The following SRGAP2C variants were observed in gnomAD, a reference collection of about 807,000 sequenced individuals.
SRGAP2C encodes the protein SLIT-ROBO Rho GTPase-activating protein 2C.
A neutral mutation model predicts 25.1 loss-of-function variants in SRGAP2C; 15 were observed. The ratio of observed to expected loss-of-function variants is 0.60; its 90% confidence interval spans 0.40 to 0.92. The LOEUF (loss-of-function observed/expected upper bound fraction) is 0.92. Among genes scored for constraint, SRGAP2C ranks in the 40% least tolerant of loss-of-function variants. The pLI, the probability that SRGAP2C is intolerant of heterozygous loss-of-function variation, is 0.00. For synonymous variants in SRGAP2C, 44 were observed against 96.6 expected (o/e 0.46, Z 3.19); for missense variants, 144 against 264.4 (o/e 0.54, Z 3.16).
intron 4 of SRGAP2C, among the ~76,000 whole-genome samples, chr1:121,346,728 T>C (rs1553343983): frequency 6.6e-6 from 1 of 152,168 alleles, no homozygotes. Flanking sequence ...AATAGCCCTT[T>C]GAATATTTTT....
At chr1:121,293,643 T>C (rs1173712171) in intron 3 of SRGAP2C, among the ~76,000 whole-genome samples, 1 of 152,244 alleles carries the variant, frequency 6.6e-6, no homozygotes, top group East Asian at 1.9e-4. Context: ...ACAATAGTAC[T>C]GTATTTTCAG....
intron 4 of SRGAP2C, among the ~76,000 whole-genome samples, chr1:121,351,500 C>G (rs1286014021): frequency 2.5e-4 from 36 of 142,052 alleles, no homozygotes; most frequent in Admixed American, 1.4e-4. Context: ...GTCCCAGCTA[C>G]TGGGGAAGCT....
chr1:121,366,745 T>C (rs1204411847), intron 5 of SRGAP2C, among the ~76,000 whole-genome samples: 2 of 151,498 alleles, frequency 1.3e-5, no homozygotes, highest in African/African-American at 4.9e-5. Flanking sequence ...ATGTAGTCAT[T>C]GTATAAATTC....
intron 2 of SRGAP2C, among the ~76,000 whole-genome samples, chr1:121,258,465 CTTTTT>C (rs1205329141): frequency 3.2e-5 from 4 of 125,740 alleles, no homozygotes; most frequent in African/African-American, 1.2e-4. Flanking sequence ...ATCTATCACT[CTTTTT>C]TTTTTTTTTT....
chr1:121,268,029 T>A (rs1338532485), intron 2 of SRGAP2C, among the ~76,000 whole-genome samples: 4 of 146,730 alleles, frequency 2.7e-5, no homozygotes, highest in Non-Finnish European at 4.6e-5. Flanking sequence ...GAGTGCTTAC[T>A]CTATGTGAGG....
intron 4 of SRGAP2C, among the ~76,000 whole-genome samples, chr1:121,338,591 A>T: frequency 1.7e-5 from 2 of 117,810 alleles, no homozygotes; most frequent in East Asian, 2.2e-4. Flanking sequence ...TCTGTTCTCT[A>T]CAAATCATTT....
chr1:121,253,953 C>T (rs1413044417), intron 2 of SRGAP2C, among the ~76,000 whole-genome samples: 1 of 151,832 alleles, frequency 6.6e-6, no homozygotes, highest in East Asian at 1.9e-4. Flanking sequence ...CACTCCGTCA[C>T]CCAGGCTGGA....
chr1:121,336,202 GT>G (rs1193313722), intron 4 of SRGAP2C, among the ~76,000 whole-genome samples: 1 of 151,870 alleles, frequency 6.6e-6, no homozygotes, highest in Non-Finnish European at 1.5e-5. Context: ...GGCTGAGGGG[GT>G]TCCTAGGACA....
intron 2 of SRGAP2C, among the ~76,000 whole-genome samples, chr1:121,243,541 A>AGT (rs1330000551): frequency 2.0e-5 from 2 of 102,268 alleles, no homozygotes; most frequent in African/African-American, 8.3e-5. Context: ...ATTGTCTTGA[A>AGT]GTGTAGAAAG....
chr1:121,370,643 A>G (rs1472912832), intron 5 of SRGAP2C, among the ~76,000 whole-genome samples: 2 of 151,956 alleles, frequency 1.3e-5, no homozygotes, highest in Non-Finnish European at 2.9e-5. Context: ...ACGGGGTTTC[A>G]TTGTGTTAAC....
chr1:121,191,114 T>A (rs1553319681), intron 2 of SRGAP2C, among the ~76,000 whole-genome samples: 1 of 152,006 alleles, frequency 6.6e-6, no homozygotes, highest in African/African-American at 2.4e-5. Context: ...GCAATAATAT[T>A]CTTAGTCTTT....
chr1:121,350,542 T>G (rs587687608), intron 4 of SRGAP2C, among the ~76,000 whole-genome samples: 48 of 152,136 alleles, frequency 3.2e-4, no homozygotes, highest in African/African-American at 1.1e-3. Context: ...ATGTTTAATA[T>G]GTTTATGAGA....
At chr1:121,355,002 A>T (rs1290714947) in intron 4 of SRGAP2C, among the ~76,000 whole-genome samples, 87 of 60,252 alleles carry the variant, frequency 1.4e-3, no homozygotes, top group Middle Eastern at 5.3e-3. Flanking sequence ...GCGCCACTGC[A>T]CTCCAGCCTG....
chr1:121,372,257 A>T (rs1286616582), intron 5 of SRGAP2C, among the ~76,000 whole-genome samples: 2 of 152,280 alleles, frequency 1.3e-5, no homozygotes, highest in South Asian at 4.1e-4. Flanking sequence ...CTAGATTAGT[A>T]TACCCACAAA....
At chr1:121,312,650 A>G (rs1326739521) in intron 3 of SRGAP2C, among the ~76,000 whole-genome samples, 1 of 110,456 alleles carries the variant, frequency 9.1e-6, no homozygotes. Context: ...GTTTCAAAGA[A>G]CATCTTTATT....
At chr1:121,305,317 C>T (rs1657805489) in intron 3 of SRGAP2C, among the ~76,000 whole-genome samples, 1 of 124,468 alleles carries the variant, frequency 8.0e-6, no homozygotes, top group South Asian at 3.0e-4. Flanking sequence ...GTTGATCTGG[C>T]CTTTCAGACA....
At chr1:121,366,300 T>A (rs1659320542) in intron 5 of SRGAP2C, among the ~76,000 whole-genome samples, 2 of 141,654 alleles carry the variant, frequency 1.4e-5, no homozygotes, top group Non-Finnish European at 3.1e-5. Flanking sequence ...TTTTTTTTTT[T>A]AATTCACAGA....
rs1351178293 is a variant in SRGAP2C at position 121,391,568 on chromosome 1, C to T, written c.*3713C>T. 1 of 152,310 alleles carries T rather than the reference C, an allele frequency of 6.6e-6. No individual in the cohort carries two copies. Among genetic ancestry groups the T allele is most frequent in the Non-Finnish European group, 1.5e-5 (1 of 68,058 alleles). The allele number at this position is 152,310 out of a possible 1,614,324, so 9.4% of individuals were successfully genotyped here. A position where few individuals can be genotyped will look rare whatever the true frequency, so the allele number is the denominator to read the frequency against. ...CAGAAAATCACTGTCAAAACATTAG[C>T]TTAACATTTGTTAAGGAAACAAAAA... On this transcript the variant is annotated 3_prime_UTR_variant, in exon 10 of 10. Transcript: ENST00000367123.
chr1:121,228,902 G>A (rs1411808654), intron 2 of SRGAP2C, among the ~76,000 whole-genome samples: 13 of 151,856 alleles, frequency 8.6e-5, no homozygotes, highest in Non-Finnish European at 1.9e-4. Context: ...GGGAGAGGGA[G>A]CCTCCATACT....
Sources: allele counts gnomAD v4.1 joint callset (sites outside exome capture counted in the v4.1 genomes callset), GRCh38; gene constraint gnomAD v4.1.1; transcripts MANE v1.5; gene names NCBI Gene and HGNC (gene_info 2026-07-23, HGNC 2026-07-21).